Variants in MCC observed in about 807,000 individuals in gnomAD.
The protein encoded by MCC is MCC regulator of Wnt signaling pathway, also known as colorectal mutant cancer protein.
In MCC, 90 loss-of-function variants were observed where a neutral mutation model predicts 116.2. The observed-to-expected ratio is 0.77, with a 90% CI of 0.65 to 0.92. The LOEUF (loss-of-function observed/expected upper bound fraction) is 0.92, where lower values mean the gene tolerates loss of function less well. Ranked by LOEUF, MCC falls within the 40% of genes least tolerant of loss-of-function variation. The probability of loss-of-function intolerance (pLI) is 0.00; values close to 1 mark genes in which losing one functional copy is unlikely to be tolerated. For synonymous variants in MCC, 578 were observed against 510.5 expected, an observed-to-expected ratio of 1.13 and a Z score of -1.78; for missense variants, 1,516 against 1,312.2, an observed-to-expected ratio of 1.16 and a Z score of -2.40.
At chr5:113,132,423 C>CACACATAT (rs1561384956) in intron 5 of MCC, among the ~76,000 whole-genome samples, 2 of 130,186 alleles carry the variant, frequency 1.5e-5, no homozygotes, top group African/African-American at 6.3e-5. Context: ...TATATACACA[C>CACACATAT]ATACATATAT....
intron 3 of MCC, among the ~76,000 whole-genome samples, chr5:113,295,819 A>T (rs1355447434): frequency 1.3e-5 from 2 of 152,360 alleles, no homozygotes; most frequent in South Asian, 4.1e-4. Flanking sequence ...GCTTCAAAAC[A>T]GTAGGTCTGC....
intron 3 of MCC, among the ~76,000 whole-genome samples, chr5:113,247,758 C>T (rs1007877804): frequency 2.6e-5 from 4 of 152,052 alleles, no homozygotes; most frequent in Non-Finnish European, 4.4e-5. Flanking sequence ...GGATGTGGAG[C>T]AATCAAGGCT....
At chr5:113,330,843 C>G (rs1490023220) in intron 3 of MCC, among the ~76,000 whole-genome samples, 1 of 152,138 alleles carries the variant, frequency 6.6e-6, no homozygotes, top group African/African-American at 2.4e-5. Flanking sequence ...GTTGAACTAT[C>G]CAATAGAATC....
intron 6 of MCC, among the ~76,000 whole-genome samples, chr5:113,107,180 T>C (rs1756786895): frequency 6.6e-6 from 1 of 151,502 alleles, no homozygotes; most frequent in Non-Finnish European, 1.5e-5. Flanking sequence ...AGGAAGGCTA[T>C]AAACAGACTC....
chr5:113,193,512 A>C (rs4235795), intron 3 of MCC, among the ~76,000 whole-genome samples: 149,982 of 152,276 alleles, frequency 0.98, 73,895 homozygotes, highest in Middle Eastern at 1. Flanking sequence ...TCTTATCTAC[A>C]CTTTTGTCAT....
At position 113,084,128 on chromosome 5, in the gene MCC, G is replaced by GA. The variant is rs778411030; in HGVS notation, c.1607dup (p.Leu537ProfsTer7). On this transcript the variant is annotated frameshift_variant, in exon 10 of 19. Coordinates refer to ENST00000408903, the MANE Select transcript of MCC (RefSeq NM_001085377.2). LOFTEE classifies it high-confidence loss of function. ...CTATGCTACTGATTTCTGAGCCCAGGACTGGCCGATCAGATGATGACGATT... is the reference window on the plus strand; with the variant it reads ...CTATGCTACTGATTTCTGAGCCCAGGAACTGGCCGATCAGATGATGACGATT... 6.2e-7 allele frequency: 1 copy of GA among 1,614,074 alleles called. No homozygotes were observed. The highest frequency in any genetic ancestry group is 1.1e-5 in the South Asian group (1 of 91,076).
chr5:113,339,139 T>C (rs1194215599), intron 3 of MCC, among the ~76,000 whole-genome samples: 5 of 151,536 alleles, frequency 3.3e-5, no homozygotes, highest in Non-Finnish European at 5.9e-5. Context: ...GACAGGAGAA[T>C]TGCTTGAACC....
chr5:113,322,587 G>C (rs923921722), intron 3 of MCC, among the ~76,000 whole-genome samples: 10 of 152,028 alleles, frequency 6.6e-5, no homozygotes, highest in African/African-American at 2.4e-4. Flanking sequence ...AAACTTTCTT[G>C]GGTAAAGTCA....
chr5:113,352,104 A>G (rs1768282803), intron 2 of MCC, among the ~76,000 whole-genome samples: 1 of 152,196 alleles, frequency 6.6e-6, no homozygotes, highest in Non-Finnish European at 1.5e-5. Context: ...GACCATATAA[A>G]GGGAAGTGGA....
intron 1 of MCC, among the ~76,000 whole-genome samples, chr5:113,474,127 A>G (rs1772170760): frequency 6.6e-6 from 1 of 152,226 alleles, no homozygotes; most frequent in South Asian, 2.1e-4. Context: ...CTTTTTTCTA[A>G]AAATTATCAA....
chr5:113,448,911 A>G (rs1423441210), intron 1 of MCC, among the ~76,000 whole-genome samples: 1 of 152,244 alleles, frequency 6.6e-6, no homozygotes, highest in East Asian at 1.9e-4. Flanking sequence ...TATTCCTCTC[A>G]GTAAAGAAGG....
At chr5:113,372,172 C>G (rs1434360412) in intron 2 of MCC, among the ~76,000 whole-genome samples, 2 of 152,138 alleles carry the variant, frequency 1.3e-5, no homozygotes, top group Non-Finnish European at 2.9e-5. Context: ...AGAATTACCA[C>G]CTGAGATAAA....
intron 3 of MCC, among the ~76,000 whole-genome samples, chr5:113,315,020 G>T (rs1042396276): frequency 6.6e-6 from 1 of 152,162 alleles, no homozygotes; most frequent in Non-Finnish European, 1.5e-5. Context: ...TTGATTTGTA[G>T]AGTTAATCTG....
At chr5:113,327,545 C>CAAA (rs1189402090) in intron 3 of MCC, among the ~76,000 whole-genome samples, 1,377 of 56,966 alleles carry the variant, frequency 0.024, 29 homozygotes, top group African/African-American at 0.059. Flanking sequence ...GACTCAGTCT[C>CAAA]AAAAAAAAAA....
At chr5:113,144,329 T>C (rs1048247472) in intron 4 of MCC, among the ~76,000 whole-genome samples, 6 of 152,204 alleles carry the variant, frequency 3.9e-5, no homozygotes, top group African/African-American at 9.7e-5. Flanking sequence ...AATAAAATAC[T>C]CCTCAGTGAT....
At chr5:113,070,848 A>G (rs1444197004) in intron 12 of MCC, among the ~76,000 whole-genome samples, 1 of 152,228 alleles carries the variant, frequency 6.6e-6, no homozygotes, top group African/African-American at 2.4e-5. Flanking sequence ...TGCCAAAAAA[A>G]TCGATATTTT....
intron 3 of MCC, among the ~76,000 whole-genome samples, chr5:113,162,801 A>G (rs1760562377): frequency 6.6e-6 from 1 of 152,160 alleles, no homozygotes; most frequent in Non-Finnish European, 1.5e-5. Flanking sequence ...GCCTTGGTCC[A>G]CTGCCACCTT....
intron 1 of MCC, among the ~76,000 whole-genome samples, chr5:113,482,624 A>G (rs1440360557): frequency 6.6e-6 from 1 of 152,152 alleles, no homozygotes; most frequent in Non-Finnish European, 1.5e-5. Flanking sequence ...TTTTATTATT[A>G]AGTATTCTTT....
intron 3 of MCC, among the ~76,000 whole-genome samples, chr5:113,275,842 G>T (rs1036887034): frequency 1.1e-4 from 17 of 152,118 alleles, no homozygotes; most frequent in African/African-American, 4.1e-4. Context: ...TGGTGTAGCG[G>T]GAGGTCCTGG....
Sources: gnomAD v4.1 joint callset for allele counts (sites outside exome capture counted in the v4.1 genomes callset) on GRCh38, gnomAD v4.1.1 for gene constraint, MANE v1.5 for transcripts, NCBI Gene and HGNC (gene_info 2026-07-23, HGNC 2026-07-21) for gene names.